The following WDPCP variants were observed in gnomAD, a reference collection of about 807,000 sequenced individuals.
WDPCP encodes the protein WD repeat-containing and planar cell polarity effector protein fritz homolog.
WDPCP carries 71 observed loss-of-function variants against 93.1 expected under a neutral mutation model. The ratio of observed to expected loss-of-function variants is 0.76; its 90% CI spans 0.63 to 0.93. The LOEUF (loss-of-function observed/expected upper bound fraction) is 0.93. Ranked by LOEUF, WDPCP falls within the 40% of genes least tolerant of loss-of-function variation. WDPCP has a pLI of 0.00. For synonymous variants in WDPCP, 315 were observed against 315.0 expected (o/e 1.00, Z 0.00); for missense variants, 844 against 887.4 (o/e 0.95, Z 0.62).
chr2:63,288,660 T>A (rs1245292796), intron 13 of WDPCP, among the ~76,000 whole-genome samples: 1 of 152,238 alleles, frequency 6.6e-6, no homozygotes, highest in Non-Finnish European at 1.5e-5. Context: ...TTCACTTACA[T>A]AACCACAATC....
intron 2 of WDPCP, among the ~76,000 whole-genome samples, chr2:63,786,797 C>T (rs892605517): frequency 1.3e-5 from 2 of 152,092 alleles, no homozygotes; most frequent in Non-Finnish European, 2.9e-5. Context: ...GATTCATACT[C>T]TCAAGAGATA....
intron 3 of WDPCP, among the ~76,000 whole-genome samples, chr2:63,602,636 G>A (rs1275959223): frequency 6.7e-6 from 1 of 150,330 alleles, no homozygotes; most frequent in Non-Finnish European, 1.5e-5. Flanking sequence ...CATAGTCAAG[G>A]TACAGAATTT....
intron 2 of WDPCP, among the ~76,000 whole-genome samples, chr2:63,667,481 G>T (rs1710297387): frequency 1.3e-5 from 2 of 152,200 alleles, no homozygotes; most frequent in Admixed American, 6.5e-5. Context: ...GGATTTGGTT[G>T]TTTTGTTGTT....
chr2:63,301,947 AG>A (rs1369885629), intron 13 of WDPCP, among the ~76,000 whole-genome samples: 1 of 152,146 alleles, frequency 6.6e-6, no homozygotes, highest in Non-Finnish European at 1.5e-5. Context: ...CCTTTTTACT[AG>A]ATCTTTGCAA....
At chr2:63,125,023 G>A (rs1407096616) in intron 17 of WDPCP, among the ~76,000 whole-genome samples, 1 of 152,128 alleles carries the variant, frequency 6.6e-6, no homozygotes, top group Non-Finnish European at 1.5e-5. Context: ...GGCAGGAGAC[G>A]CTTTTCTGAG....
chr2:63,352,672 C>A (rs77768807), intron 12 of WDPCP, among the ~76,000 whole-genome samples: 2 of 152,126 alleles, frequency 1.3e-5, no homozygotes, highest in Admixed American at 1.3e-4. Context: ...AGGAGAAGAA[C>A]GTGGAGCCAG....
At chr2:63,342,550 C>G (rs1202084236) in intron 12 of WDPCP, among the ~76,000 whole-genome samples, 3 of 151,940 alleles carry the variant, frequency 2.0e-5, no homozygotes, top group Non-Finnish European at 4.4e-5. Context: ...TAGCGGTTAC[C>G]CTAAGGATTA....
At chr2:63,273,808 AACACACACACACACACAC>A (rs1682851379) in intron 13 of WDPCP, among the ~76,000 whole-genome samples, 1 of 144,028 alleles carries the variant, frequency 6.9e-6, no homozygotes. Context: ...CCAACGCAGA[AACACACACACACACACAC>A]GCACACACAC....
chr2:63,224,143 C>T (rs1316161955), intron 14 of WDPCP, among the ~76,000 whole-genome samples: 3 of 151,950 alleles, frequency 2.0e-5, no homozygotes, highest in Non-Finnish European at 4.4e-5. Flanking sequence ...AAAAGATACG[C>T]CACATCATAT....
intron 9 of WDPCP, among the ~76,000 whole-genome samples, chr2:63,423,615 AT>A (rs1355252770): frequency 6.6e-6 from 1 of 152,190 alleles, no homozygotes; most frequent in African/African-American, 2.4e-5. Context: ...CTCAGAAAGC[AT>A]TATCAAGTCT....
intron 15 of WDPCP, among the ~76,000 whole-genome samples, chr2:63,171,251 C>T (rs1216711826): frequency 1.3e-5 from 2 of 152,164 alleles, no homozygotes; most frequent in African/African-American, 2.4e-5. Flanking sequence ...AAAGACACTA[C>T]TGGAAAATGA....
intron 2 of WDPCP, among the ~76,000 whole-genome samples, chr2:63,750,942 G>A (rs572190565): frequency 6.6e-6 from 1 of 152,038 alleles, no homozygotes; most frequent in South Asian, 2.1e-4. Flanking sequence ...ATTTTTTTCT[G>A]GTAATTTCTT....
At chr2:63,568,943 G>A (rs1046086657) in intron 1 of WDPCP, among the ~76,000 whole-genome samples, 1 of 152,164 alleles carries the variant, frequency 6.6e-6, no homozygotes, top group Non-Finnish European at 1.5e-5. Context: ...ACAGGTCTTT[G>A]AACAAATTTT....
chr2:63,730,034 T>C (rs1050008068), intron 2 of WDPCP, among the ~76,000 whole-genome samples: 1 of 152,114 alleles, frequency 6.6e-6, no homozygotes, highest in African/African-American at 2.4e-5. Context: ...TCAGTGTTTG[T>C]TGTAAGGGAG....
Position 63,664,317 on chromosome 2 carries a change from T to A in WDPCP, n.309-13479A>T, listed in dbSNP as rs1044208334. On this transcript the variant is annotated intron_variant and non_coding_transcript_variant, in intron 2 of 4. Coordinates refer to the WDPCP transcript ENST00000467687. ...TGTCCAGGAAGATAGAGAACCAAGA[T>A]TAGAGACTATATGACAAGAAACAAT... Among the ~76,000 whole-genome samples, 5 of 152,308 alleles carry A rather than the reference T, an allele frequency of 3.3e-5. No individual in the cohort carries two copies. In the South Asian group the frequency reaches 1.0e-3, roughly 32 times the overall value.
At chr2:63,139,416 C>T (rs778765227) in intron 17 of WDPCP, among the ~76,000 whole-genome samples, 2 of 152,302 alleles carry the variant, frequency 1.3e-5, no homozygotes, top group East Asian at 1.9e-4. Flanking sequence ...TCCATAGTGG[C>T]TGTATGAGTT....
chr2:63,414,879 T>C (rs1695301915), intron 9 of WDPCP, among the ~76,000 whole-genome samples: 1 of 151,752 alleles, frequency 6.6e-6, no homozygotes, highest in Admixed American at 6.6e-5. Context: ...TATGGGAAAA[T>C]AATAAAAAGA....
intron 1 of WDPCP, among the ~76,000 whole-genome samples, chr2:63,821,603 C>T (rs964027829): frequency 2.0e-4 from 30 of 152,132 alleles, no homozygotes; most frequent in African/African-American, 7.0e-4. Flanking sequence ...TTGACAACAA[C>T]TTCAGTGTCA....
intron 1 of WDPCP, among the ~76,000 whole-genome samples, chr2:63,571,153 C>T (rs569423787): frequency 2.0e-5 from 3 of 152,104 alleles, no homozygotes; most frequent in Admixed American, 6.5e-5. Context: ...CCTCGTGATT[C>T]GCCTGCCTCG....
Sources: allele counts gnomAD v4.1 joint callset (sites outside exome capture counted in the v4.1 genomes callset), GRCh38; gene constraint gnomAD v4.1.1; transcripts MANE v1.5; gene names NCBI Gene and HGNC (gene_info 2026-07-23, HGNC 2026-07-21).